Variants in FBXL14 observed in about 807,000 individuals in gnomAD.
The protein encoded by FBXL14 is F-box and leucine rich repeat protein 14.
A neutral mutation model predicts 24.5 loss-of-function variants in FBXL14; 11 were observed. That is an observed-to-expected ratio of 0.45 (90% CI 0.28 to 0.74). FBXL14 has a LOEUF of 0.74. Among genes scored for constraint, FBXL14 ranks in the 30% least tolerant of loss-of-function variants. The pLI is 0.12. For missense variants in FBXL14, 384 were observed against 545.6 expected (o/e 0.70, Z 2.95); for synonymous variants, 294 against 240.4 (o/e 1.22, Z -2.06).
At chr12:1,577,546 G>A (rs1236426864) in intron 1 of FBXL14, among the ~76,000 whole-genome samples, 1 of 152,212 alleles carries the variant, frequency 6.6e-6, no homozygotes, top group African/African-American at 2.4e-5. Context: ...ATACAGTGAT[G>A]GTCATTATCA....
intron 1 of FBXL14, among the ~76,000 whole-genome samples, chr12:1,582,514 T>C (rs2094468733): frequency 6.6e-6 from 1 of 152,204 alleles, no homozygotes; most frequent in South Asian, 2.1e-4. Context: ...CCTGAATCTG[T>C]ATTCTTTCAG....
rs533996248 is a variant in FBXL14, at chr12:1,566,121, T to C, written c.*627A>G. On this transcript the variant is annotated 3_prime_UTR_variant, in exon 2 of 2. Coordinates refer to ENST00000339235, the MANE Select transcript of FBXL14 (RefSeq NM_152441.3). Reference sequence around the variant, plus strand: ...TTCACATATGGGCACTCAGTAAACATTATTAATGAATGATAATGATTTGTC... The same window carrying C: ...TTCACATATGGGCACTCAGTAAACACTATTAATGAATGATAATGATTTGTC... The C allele has an allele frequency of 1.1e-4, 17 of 152,742 alleles. No homozygotes were observed. The highest frequency in any genetic ancestry group is 3.6e-4 in the African/African-American group (15 of 41,568). 9.5% of individuals were successfully genotyped at this position (152,742 alleles called of 1,614,324 possible).
At chr12:1,573,202 G>A (rs1042759544) in intron 1 of FBXL14, among the ~76,000 whole-genome samples, 1 of 152,174 alleles carries the variant, frequency 6.6e-6, no homozygotes, top group Non-Finnish European at 1.5e-5. Flanking sequence ...GCCTTCCAGA[G>A]TGCAAGGCGC....
At chr12:1,584,830 G>T (rs937202852) in intron 1 of FBXL14, among the ~76,000 whole-genome samples, 1 of 149,478 alleles carries the variant, frequency 6.7e-6, no homozygotes. Flanking sequence ...TCTTGTCGTT[G>T]TTGTTGTTCA....
At chr12:1,581,347 G>A (rs2094465953) in intron 1 of FBXL14, among the ~76,000 whole-genome samples, 1 of 152,186 alleles carries the variant, frequency 6.6e-6, no homozygotes, top group Non-Finnish European at 1.5e-5. Context: ...ACCTCCTGGG[G>A]AGAGGGTTTG....
rs1422495039 is a variant in FBXL14 at position 1,594,446 on chromosome 12, C to T, written c.-380G>A. ...CGCCCGCGCCGCCGCGCCCACGCCC[C>T]CTGCCGCATCCTCCGCCTCCTGCCG... On this transcript the variant is annotated 5_prime_UTR_variant, in exon 1 of 2. Transcript: ENST00000339235. Among the ~76,000 whole-genome samples, 4 of 145,800 alleles carry T rather than the reference C, an allele frequency of 2.7e-5. No homozygotes were observed. Among genetic ancestry groups the T allele is most frequent in the African/African-American group, 9.8e-5 (4 of 40,622 alleles).
At chr12:1,583,237 A>G (rs2094470180) in intron 1 of FBXL14, among the ~76,000 whole-genome samples, 1 of 152,134 alleles carries the variant, frequency 6.6e-6, no homozygotes, top group Admixed American at 6.5e-5. Context: ...AATAAAAAAA[A>G]CTAGCTCTTT....
At chr12:1,576,933 A>G (rs2094457075) in intron 1 of FBXL14, among the ~76,000 whole-genome samples, 1 of 152,168 alleles carries the variant, frequency 6.6e-6, no homozygotes, top group South Asian at 2.1e-4. Context: ...AACCGGCAGG[A>G]TTTTGTGATT....
Position 1,593,376 on chromosome 12 carries a change from T to G in FBXL14, c.691A>C (p.Arg231=). 1 of 1,613,960 alleles carries G rather than the reference T, an allele frequency of 6.2e-7. No individual in the cohort carries two copies. The highest frequency in any genetic ancestry group is 1.1e-5 in the South Asian group (1 of 91,084). ...CCACAGAAGCTGAGGTTGAGGAGCCTCAGGCCCGTCAGCCCTCGGGAGATG... is the reference window on the plus strand; with the variant it reads ...CCACAGAAGCTGAGGTTGAGGAGCCGCAGGCCCGTCAGCCCTCGGGAGATG... The part of the protein sequence containing the change: ...KHISRGLTGL[R]LLNLSFCGGI... The change falls in exon 1 of 2, where the codon AGG becomes CGG. Residue 231 remains arginine, a synonymous_variant. Transcript: ENST00000339235. This position sits in a 1 kb window ranked among gnomAD's most constrained non-coding sequence, Gnocchi z 7.4.
chr12:1,578,427 G>A (rs2094460003), intron 1 of FBXL14, among the ~76,000 whole-genome samples: 1 of 152,184 alleles, frequency 6.6e-6, no homozygotes, highest in Admixed American at 6.5e-5. Context: ...GATCACCTGA[G>A]ATCAGGAATT....
At chr12:1,570,978 G>A (rs1273878394) in intron 1 of FBXL14, among the ~76,000 whole-genome samples, 1 of 152,142 alleles carries the variant, frequency 6.6e-6, no homozygotes, top group Non-Finnish European at 1.5e-5. Flanking sequence ...GCAGGACAGT[G>A]GTAGGTTAAA....
At chr12:1,576,933 AT>A (rs1237436586) in intron 1 of FBXL14, among the ~76,000 whole-genome samples, 1 of 152,286 alleles carries the variant, frequency 6.6e-6, no homozygotes, top group East Asian at 1.9e-4. Context: ...AACCGGCAGG[AT>A]TTTGTGATTG....
At chr12:1,581,170 G>T (rs1291960296) in intron 1 of FBXL14, among the ~76,000 whole-genome samples, 3 of 150,074 alleles carry the variant, frequency 2.0e-5, no homozygotes, top group African/African-American at 7.3e-5. Context: ...CTGGGAAATG[G>T]CCATGCTGGA....
chr12:1,571,086 C>A (rs1163298190), intron 1 of FBXL14, among the ~76,000 whole-genome samples: 4 of 152,190 alleles, frequency 2.6e-5, no homozygotes, highest in African/African-American at 9.7e-5. Flanking sequence ...GTCCTTCAGC[C>A]ACTATTTTAG....
At chr12:1,588,462 G>T (rs747044636) in intron 1 of FBXL14, among the ~76,000 whole-genome samples, 5 of 152,112 alleles carry the variant, frequency 3.3e-5, no homozygotes, top group Non-Finnish European at 5.9e-5. Context: ...GAACATGATC[G>T]GTTCGAGTTT....
At chr12:1,584,461 G>T (rs2094472657) in intron 1 of FBXL14, among the ~76,000 whole-genome samples, 1 of 152,208 alleles carries the variant, frequency 6.6e-6, no homozygotes, top group South Asian at 2.1e-4. Context: ...ACCCTTCTGT[G>T]TAGGGAAGAG....
In FBXL14 at chr12:1,594,132, C is replaced by G. The variant is rs1427082586; in HGVS notation, c.-66G>C. On this transcript the variant is annotated 5_prime_UTR_variant, in exon 1 of 2. Transcript: ENST00000339235. ...CGGGCCCCGCCGCTCCGGCCTCGGG[C>G]AGGCGACGAGAGCGCTTCTCCCCAG... 1.1e-5 allele frequency: 14 copies of G among 1,272,726 alleles called. No individual in the cohort carries two copies. Among genetic ancestry groups the G allele is most frequent in the Non-Finnish European group, 1.4e-5 (14 of 1,008,072 alleles). 78.8% of individuals were successfully genotyped at this position (1,272,726 alleles called of 1,614,324 possible).
At chr12:1,580,246 C>G (rs753254377) in intron 1 of FBXL14, among the ~76,000 whole-genome samples, 3 of 152,154 alleles carry the variant, frequency 2.0e-5, no homozygotes, top group Non-Finnish European at 4.4e-5. Flanking sequence ...GGACACAGAG[C>G]GAACGCTGCC....
chr12:1,586,568 A>G (rs762484787), intron 1 of FBXL14, among the ~76,000 whole-genome samples: 3 of 152,128 alleles, frequency 2.0e-5, no homozygotes, highest in Non-Finnish European at 4.4e-5. Context: ...AGCCGCCTCC[A>G]TGCTGGTCAC....
Sources: gnomAD v4.1 joint callset for allele counts (sites outside exome capture counted in the v4.1 genomes callset) on GRCh38, gnomAD v4.1.1 for gene constraint, Gnocchi (gnomAD v3.1) non-coding constraint, MANE v1.5 for transcripts, NCBI Gene and HGNC (gene_info 2026-07-23, HGNC 2026-07-21) for gene names.